The following LMCD1 variants were observed in gnomAD, a reference collection of about 807,000 sequenced individuals.
LMCD1 encodes the protein LIM and cysteine rich domains 1.
Under a neutral mutation model 42.7 loss-of-function variants are expected in LMCD1, and 32 were observed. That is an observed-to-expected ratio of 0.75 (90% CI 0.57 to 1.01). LMCD1 has a LOEUF of 1.01. Among genes scored for constraint, LMCD1 ranks in the 50% least tolerant of loss-of-function variants. LMCD1 has a pLI of 0.00. For synonymous variants in LMCD1, 178 were observed against 184.9 expected, an observed-to-expected ratio of 0.96 and a Z score of 0.30; for missense variants, 458 against 483.1, an observed-to-expected ratio of 0.95 and a Z score of 0.49.
At chr3:8,538,058 G>T (rs185565738) in intron 3 of LMCD1, among the ~76,000 whole-genome samples, 1 of 152,264 alleles carries the variant, frequency 6.6e-6, no homozygotes, top group African/African-American at 2.4e-5. Flanking sequence ...GAATCCCCGG[G>T]ACCTGCAGAA....
chr3:8,519,601 A>G (rs1314298564), intron 1 of LMCD1, among the ~76,000 whole-genome samples: 1 of 152,186 alleles, frequency 6.6e-6, no homozygotes, highest in Non-Finnish European at 1.5e-5. Flanking sequence ...AGTCCTAAAG[A>G]TCTATGACTT....
At chr3:8,544,865 A>C (rs894916144) in intron 3 of LMCD1, among the ~76,000 whole-genome samples, 25 of 152,218 alleles carry the variant, frequency 1.6e-4, no homozygotes, top group Non-Finnish European at 3.7e-4. Flanking sequence ...TCAGGCACAG[A>C]AATGGAAAAT....
intron 1 of LMCD1, chr3:8,514,790 G>A (rs530673904): frequency 4.1e-5 from 14 of 344,486 alleles, no homozygotes; most frequent in Admixed American, 1.1e-4. Flanking sequence ...TACCATGTTC[G>A]AAAACAGGCA....
chr3:8,530,597 T>C (rs1478775186), intron 1 of LMCD1, among the ~76,000 whole-genome samples: 3 of 152,184 alleles, frequency 2.0e-5, no homozygotes, highest in Non-Finnish European at 4.4e-5. Context: ...TCCACCTACC[T>C]CTCCGGTTTC....
At chr3:8,545,216 A>C (rs1574966741) in intron 3 of LMCD1, among the ~76,000 whole-genome samples, 1 of 152,206 alleles carries the variant, frequency 6.6e-6, no homozygotes, top group South Asian at 2.1e-4. Flanking sequence ...ATTTTAGACA[A>C]GGTTGACTTT....
rs747010327 is a variant in LMCD1, at chr3:8,537,228, C to T, written c.175C>T (p.Leu59=). 5 of 1,614,074 alleles carry T rather than the reference C, an allele frequency of 3.1e-6. No homozygotes were observed. The African/African-American group carries it at 6.7e-5, about 22-fold the overall frequency. Residue 59 remains leucine, a synonymous_variant, in exon 3 of 6, where the codon CTA becomes TTA. Coordinates refer to ENST00000157600, the MANE Select transcript of LMCD1 (RefSeq NM_014583.4). ...SCKCSQEDHC[L]TSDLEDDRKI... is the part of the protein sequence containing the mutation. ...CAAATGCAGCCAAGAGGACCACTGC[C>T]TAACATCTGACCTAGAAGACGATCG...
intron 3 of LMCD1, among the ~76,000 whole-genome samples, chr3:8,540,148 G>A (rs537092266): frequency 1.3e-5 from 2 of 152,126 alleles, no homozygotes; most frequent in Non-Finnish European, 2.9e-5. Context: ...ACCAAACACC[G>A]CATGTTCTCA....
At chr3:8,539,633 C>T (rs928874739) in intron 3 of LMCD1, among the ~76,000 whole-genome samples, 3 of 152,040 alleles carry the variant, frequency 2.0e-5, no homozygotes, top group Admixed American at 6.5e-5. Flanking sequence ...ACATTGACCC[C>T]AGACTAATCA....
chr3:8,507,909 T>C (rs2125009590), intron 1 of LMCD1, among the ~76,000 whole-genome samples: 1 of 152,300 alleles, frequency 6.6e-6, no homozygotes, highest in Non-Finnish European at 1.5e-5. Flanking sequence ...GATCAATTTC[T>C]TCCAGCCCAC....
intron 2 of LMCD1, 98 bp from the exon 3 acceptor site, chr3:8,537,086 GT>G: frequency 7.2e-7 from 1 of 1,388,176 alleles, no homozygotes; most frequent in East Asian, 2.4e-5. Context: ...CCAACTTAAA[GT>G]TTTAGCTTGC....
At chr3:8,536,193 G>A (rs1449181658) in intron 2 of LMCD1, among the ~76,000 whole-genome samples, 8 of 152,162 alleles carry the variant, frequency 5.3e-5, no homozygotes, top group African/African-American at 1.9e-4. Context: ...CCCTGCAGTT[G>A]GCCTTGACAT....
chr3:8,532,177 A>G (rs1410728623), intron 1 of LMCD1, among the ~76,000 whole-genome samples: 4 of 152,222 alleles, frequency 2.6e-5, no homozygotes, highest in Non-Finnish European at 4.4e-5. Context: ...AACCTGTCTC[A>G]TGCATTGTTC....
chr3:8,531,415 C>G (rs1694409973), intron 1 of LMCD1, among the ~76,000 whole-genome samples: 1 of 152,134 alleles, frequency 6.6e-6, no homozygotes, highest in Non-Finnish European at 1.5e-5. Context: ...ACACTTTCCC[C>G]TGTGCTTCTA....
intron 3 of LMCD1, among the ~76,000 whole-genome samples, chr3:8,545,595 A>G (rs1288858979): frequency 1.3e-5 from 2 of 152,204 alleles, no homozygotes; most frequent in Non-Finnish European, 2.9e-5. Flanking sequence ...TAGTGCAAGT[A>G]AAGTCCAGGA....
At chr3:8,563,564 T>C (rs1695077819) in intron 4 of LMCD1, among the ~76,000 whole-genome samples, 1 of 152,232 alleles carries the variant, frequency 6.6e-6, no homozygotes, top group South Asian at 2.1e-4. Context: ...TCCATAGGTA[T>C]TTAAAAAATA....
intron 4 of LMCD1, among the ~76,000 whole-genome samples, chr3:8,557,237 A>G (rs1225589589): frequency 2.0e-5 from 3 of 152,372 alleles, no homozygotes; most frequent in Non-Finnish European, 4.4e-5. Flanking sequence ...TACAGAAGAA[A>G]GAAACACACA....
intron 4 of LMCD1, among the ~76,000 whole-genome samples, chr3:8,556,441 G>A (rs1285880645): frequency 1.3e-5 from 2 of 151,768 alleles, no homozygotes; most frequent in South Asian, 2.1e-4. Context: ...GGATCAGGAC[G>A]TGTAATGTAT....
At chr3:8,540,954 G>A (rs184815350) in intron 3 of LMCD1, among the ~76,000 whole-genome samples, 3 of 152,070 alleles carry the variant, frequency 2.0e-5, no homozygotes, top group East Asian at 1.9e-4. Context: ...ACTTCTTATC[G>A]GCCCTCAGGA....
rs1054267518 is a variant in LMCD1 at position 8,573,322 on chromosome 3, A to C, written c.*5724A>C. On this transcript the variant is annotated 3_prime_UTR_variant, in exon 6 of 6. Coordinates refer to ENST00000157600, the MANE Select transcript of LMCD1 (RefSeq NM_014583.4). ...ACATGGTGTTTCGATATATGTATAC[A>C]TCGTGGAATGGCTAAATCAAGCTAA... is the stretch of plus-strand genomic sequence containing the variant. 6.6e-6 allele frequency: 1 copy of C among 152,196 alleles called. No homozygotes were observed. The highest frequency in any genetic ancestry group is 1.5e-5 in the Non-Finnish European group (1 of 68,046). 9.4% of individuals were successfully genotyped at this position (152,196 alleles called of 1,614,324 possible).
Sources: gnomAD v4.1 joint callset for allele counts (sites outside exome capture counted in the v4.1 genomes callset) on GRCh38, gnomAD v4.1.1 for gene constraint, MANE v1.5 for transcripts, NCBI Gene and HGNC (gene_info 2026-07-23, HGNC 2026-07-21) for gene names.